GAN: variants seen among roughly 807,000 people sequenced by gnomAD.
GAN encodes gigaxonin, also known as epididymis secretory sperm binding protein.
GAN carries 48 observed loss-of-function variants against 71.3 expected under a neutral mutation model. The observed-to-expected ratio is 0.67, with a 90% CI of 0.53 to 0.86. GAN has a LOEUF of 0.86. Among genes scored for constraint, GAN ranks in the 40% least tolerant of loss-of-function variants. GAN has a pLI of 0.00. For synonymous variants in GAN, 386 were observed against 276.8 expected (o/e 1.39, Z -3.92); for missense variants, 928 against 770.1 (o/e 1.21, Z -2.43).
Position 81,315,255 on chromosome 16 carries a change from C to A in GAN, c.142C>A (p.Leu48Met). 6.4e-7 allele frequency: 1 copy of A among 1,572,662 alleles called. No individual in the cohort carries two copies. The highest frequency in any genetic ancestry group is 2.5e-5 in the East Asian group (1 of 40,466). ...GEEIPVQKNI[L>M]AAASPYIRTK... ...GGAGATCCCGGTGCAGAAGAACATC[C>A]TGGCGGCGGCCAGCCCGTACATCAG... Residue 48 changes from leucine to methionine, a missense_variant, in exon 1 of 11, where the codon CTG (leucine) becomes ATG (methionine). Physicochemically the swap from Leu to Met is conservative, Grantham distance 15. Transcript: ENST00000648994.
intron 1 of GAN, among the ~76,000 whole-genome samples, chr16:81,331,922 G>A (rs945225301): frequency 4.6e-5 from 7 of 152,156 alleles, no homozygotes; most frequent in African/African-American, 1.7e-4. Context: ...CAGCACTTTG[G>A]GAGGTCAAGG....
chr16:81,344,371 C>T (rs916904673), intron 1 of GAN, among the ~76,000 whole-genome samples: 1 of 152,166 alleles, frequency 6.6e-6, no homozygotes, highest in Non-Finnish European at 1.5e-5. Flanking sequence ...TCAAACTTTA[C>T]TACAAGGCTG....
chr16:81,347,598 T>C (rs866779992), intron 1 of GAN, among the ~76,000 whole-genome samples: 10 of 152,208 alleles, frequency 6.6e-5, no homozygotes, highest in African/African-American at 2.2e-4. Context: ...GTAAATTGTT[T>C]TGTGACTTCA....
intron 1 of GAN, among the ~76,000 whole-genome samples, chr16:81,325,621 G>C (rs139472525): frequency 1.6e-3 from 243 of 152,302 alleles, no homozygotes; most frequent in African/African-American, 5.5e-3. Context: ...GGAGCTACTA[G>C]ACCAATTGAG....
At chr16:81,316,412 C>T (rs1251042446) in intron 1 of GAN, among the ~76,000 whole-genome samples, 1 of 142,334 alleles carries the variant, frequency 7.0e-6, no homozygotes, top group Non-Finnish European at 1.5e-5. Flanking sequence ...AATTCAAGTG[C>T]CCTTGTAACT....
chr16:81,336,485 A>G (rs1051493594), intron 1 of GAN, among the ~76,000 whole-genome samples: 2 of 152,086 alleles, frequency 1.3e-5, no homozygotes, highest in Non-Finnish European at 2.9e-5. Flanking sequence ...TTATTTTGAG[A>G]TAGGGTCTCA....
intron 3 of GAN, 122 bp from the exon 4 acceptor site, chr16:81,356,663 C>G (rs150387723): frequency 1.3e-6 from 1 of 785,800 alleles, no homozygotes; most frequent in East Asian, 2.4e-5. Flanking sequence ...GTGTGTCTCA[C>G]TTGCCTGGTA....
chr16:81,374,647 C>G (rs1389868107), intron 9 of GAN, among the ~76,000 whole-genome samples: 1 of 152,194 alleles, frequency 6.6e-6, no homozygotes, highest in Non-Finnish European at 1.5e-5. Flanking sequence ...TCACATAGTT[C>G]CAGCCTCGGC....
chr16:81,330,455 C>G (rs1019517065), intron 1 of GAN, among the ~76,000 whole-genome samples: 1 of 152,182 alleles, frequency 6.6e-6, no homozygotes, highest in African/African-American at 2.4e-5. Flanking sequence ...AAATAAATCA[C>G]AGTATAACAT....
chr16:81,326,617 A>C (rs1359434582), intron 1 of GAN, among the ~76,000 whole-genome samples: 1 of 152,252 alleles, frequency 6.6e-6, no homozygotes, highest in Non-Finnish European at 1.5e-5. Context: ...TGAGAAATAC[A>C]TCATTGGGCA....
rs1398526050 is a variant in GAN, at chr16:81,348,867, G to T, written c.168-2716G>T. 2.0e-5 allele frequency among the ~76,000 whole-genome samples: 3 copies of T among 152,286 alleles called. No individual in the cohort carries two copies. The East Asian group carries it at 5.8e-4, about 29-fold the overall frequency. On this transcript the variant is annotated intron_variant, in intron 1 of 10. Coordinates refer to ENST00000648994, the MANE Select transcript of GAN (RefSeq NM_022041.4). The stretch of plus-strand genomic sequence containing the variant: ...CAGAAGAGTCTTTGTTTCTTGCTTG[G>T]AAGATATGTTCTGGCTTTCAGTATT...
At chr16:81,334,827 C>T (rs186119271) in intron 1 of GAN, among the ~76,000 whole-genome samples, 77 of 152,260 alleles carry the variant, frequency 5.1e-4, no homozygotes, top group African/African-American at 1.7e-3. Flanking sequence ...TCACCAACAT[C>T]GCAATATTAA....
Position 81,365,075 on chromosome 16 carries a change from G to A in GAN, c.1338G>A (p.Gln446=), listed in dbSNP as rs763036380. 6.8e-6 allele frequency: 11 copies of A among 1,613,790 alleles called. No individual in the cohort carries two copies. Among genetic ancestry groups the A allele is most frequent in the Non-Finnish European group, 9.3e-6 (11 of 1,179,674 alleles). ...TAGAGTGTTATGATCCCAGGACCCA[G>A]CAGTGGACTGCCATATGTCCACTAA... ...ESVECYDPRT[Q]QWTAICPLKE... Residue 446 remains glutamine, a synonymous_variant, in exon 8 of 11, where the codon CAG becomes CAA. Coordinates refer to ENST00000648994, the MANE Select transcript of GAN (RefSeq NM_022041.4).
Position 81,383,836 on chromosome 16 carries a change from C to T in GAN, c.*6240C>T, listed in dbSNP as rs1049845186. Reference sequence around the variant, plus strand: ...ACTGAATAGGATCCACGTAAATGAACGGCCATTTCAAATCATTCACATCCC... The same window carrying T: ...ACTGAATAGGATCCACGTAAATGAATGGCCATTTCAAATCATTCACATCCC... On this transcript the variant is annotated 3_prime_UTR_variant, in exon 11 of 11. Coordinates refer to ENST00000648994, the MANE Select transcript of GAN (RefSeq NM_022041.4). 3.3e-5 allele frequency: 5 copies of T among 152,148 alleles called. No individual in the cohort carries two copies. Among genetic ancestry groups the T allele is most frequent in the Non-Finnish European group, 2.9e-5 (2 of 68,014 alleles). 9.4% of individuals were successfully genotyped at this position (152,148 alleles called of 1,614,324 possible). A position where few individuals can be genotyped will look rare whatever the true frequency, so the allele number is the denominator to read the frequency against.
chr16:81,353,676 A>G (rs567829580), intron 2 of GAN, among the ~76,000 whole-genome samples: 144 of 152,288 alleles, frequency 9.5e-4, no homozygotes, highest in African/African-American at 3.3e-3. Context: ...GACTGTGGCA[A>G]TATTTTAGAG....
At chr16:81,316,199 G>A (rs890561539) in intron 1 of GAN, among the ~76,000 whole-genome samples, 2 of 152,100 alleles carry the variant, frequency 1.3e-5, no homozygotes, top group Admixed American at 6.5e-5. Context: ...TTTAATAAAA[G>A]GAAAGGGGGG....
chr16:81,333,507 A>G (rs949950721), intron 1 of GAN, among the ~76,000 whole-genome samples: 6 of 152,186 alleles, frequency 3.9e-5, no homozygotes, highest in African/African-American at 1.2e-4. Flanking sequence ...GGAATAGGCT[A>G]TGCATAGCCT....
intron 1 of GAN, among the ~76,000 whole-genome samples, chr16:81,324,815 T>G (rs1909329334): frequency 6.6e-6 from 1 of 152,222 alleles, no homozygotes; most frequent in Non-Finnish European, 1.5e-5. Flanking sequence ...TGTATTGTTT[T>G]AAAGTCACTC....
At position 81,379,224 on chromosome 16, in the gene GAN, G is replaced by C. The variant is rs1358657936; in HGVS notation, c.*1628G>C. On this transcript the variant is annotated 3_prime_UTR_variant, in exon 11 of 11. Transcript: ENST00000648994. ...CATCACTTACGTTCTCCCACCCATA[G>C]ACATAAAAAAGGGTGACCTGTGATT... 1.3e-5 allele frequency: 2 copies of C among 152,050 alleles called. No individual in the cohort carries two copies. Among genetic ancestry groups the C allele is most frequent in the East Asian group, 3.9e-4 (2 of 5,190 alleles). 9.4% of individuals were successfully genotyped at this position (152,050 alleles called of 1,614,324 possible).
Sources: allele counts gnomAD v4.1 joint callset (sites outside exome capture counted in the v4.1 genomes callset), GRCh38; gene constraint gnomAD v4.1.1; transcripts MANE v1.5; gene names NCBI Gene and HGNC (gene_info 2026-07-23, HGNC 2026-07-21).